SPAG16: variants seen among roughly 807,000 people sequenced by gnomAD.
SPAG16 encodes sperm associated antigen 16.
In SPAG16, 86 loss-of-function variants were observed where a neutral mutation model predicts 80.4. That is an observed-to-expected ratio of 1.07 (90% CI 0.90 to 1.28). The LOEUF is 1.28. Among genes scored for constraint, SPAG16 ranks in the 50% most tolerant of loss-of-function variants. The pLI is 0.00. For missense variants in SPAG16, 870 were observed against 765.3 expected (o/e 1.14, Z -1.61); for synonymous variants, 294 against 265.9 (o/e 1.11, Z -1.03).
At chr2:214,344,368 AC>A (rs1697923873) in intron 15 of SPAG16, among the ~76,000 whole-genome samples, 2 of 152,270 alleles carry the variant, frequency 1.3e-5, no homozygotes, top group Non-Finnish European at 2.9e-5. Context: ...AAATCAAAAG[AC>A]TTTTATTTGG....
At chr2:214,391,261 C>G (rs148463022) in intron 15 of SPAG16, among the ~76,000 whole-genome samples, 41 of 152,038 alleles carry the variant, frequency 2.7e-4, no homozygotes, top group African/African-American at 8.4e-4. Flanking sequence ...TGATTTTGAG[C>G]AGTAAATTGG....
chr2:214,148,665 A>G (rs1576351131), intron 14 of SPAG16, among the ~76,000 whole-genome samples: 1 of 6,540 alleles, frequency 1.5e-4, no homozygotes, highest in Non-Finnish European at 7.4e-3. Flanking sequence ...GGTATAAATT[A>G]TCAATGCTAA....
intron 13 of SPAG16, among the ~76,000 whole-genome samples, chr2:214,038,014 C>A (rs1481957980): frequency 1.3e-5 from 2 of 151,678 alleles, no homozygotes; most frequent in Non-Finnish European, 2.9e-5. Flanking sequence ...AAAATAATTT[C>A]CTTCTAATGG....
chr2:213,555,791 T>C (rs1005115214), intron 10 of SPAG16, among the ~76,000 whole-genome samples: 7 of 152,052 alleles, frequency 4.6e-5, no homozygotes, highest in Admixed American at 4.6e-4. Context: ...AAGTAAACAA[T>C]CAAATTCAGA....
chr2:214,176,472 G>C (rs1271696258), intron 15 of SPAG16, among the ~76,000 whole-genome samples: 2 of 151,154 alleles, frequency 1.3e-5, no homozygotes, highest in East Asian at 3.9e-4. Context: ...AGTTTTCCAA[G>C]TAGGCTACTA....
At chr2:213,292,299 G>A (rs1018791387) in intron 1 of SPAG16, among the ~76,000 whole-genome samples, 5 of 152,112 alleles carry the variant, frequency 3.3e-5, no homozygotes, top group African/African-American at 1.2e-4. Flanking sequence ...CTCTCAGAAG[G>A]GGTCATGCTT....
chr2:213,977,830 C>T (rs1371168468), intron 12 of SPAG16, among the ~76,000 whole-genome samples: 2 of 152,066 alleles, frequency 1.3e-5, no homozygotes, highest in East Asian at 1.9e-4. Flanking sequence ...AATCTGCATA[C>T]AACTTTGTAG....
At chr2:213,847,993 C>G (rs896248684) in intron 10 of SPAG16, among the ~76,000 whole-genome samples, 1 of 152,108 alleles carries the variant, frequency 6.6e-6, no homozygotes, top group Non-Finnish European at 1.5e-5. Context: ...TGAAATAAGG[C>G]AAGTAATTTG....
intron 9 of SPAG16, among the ~76,000 whole-genome samples, chr2:213,472,824 G>A (rs1343000530): frequency 6.6e-6 from 1 of 152,198 alleles, no homozygotes; most frequent in Admixed American, 6.5e-5. Flanking sequence ...TGTCAGCTCA[G>A]AGGCAGTGAC....
intron 10 of SPAG16, among the ~76,000 whole-genome samples, chr2:213,601,103 A>C (rs1413648938): frequency 1.3e-5 from 2 of 152,182 alleles, no homozygotes; most frequent in Non-Finnish European, 2.9e-5. Flanking sequence ...CCTGGGACAA[A>C]GTCTGTTGGG....
At chr2:214,003,069 A>G (rs1408891562) in intron 12 of SPAG16, among the ~76,000 whole-genome samples, 1 of 152,170 alleles carries the variant, frequency 6.6e-6, no homozygotes, top group Non-Finnish European at 1.5e-5. Flanking sequence ...CCTCACCATA[A>G]CACATTTCAG....
chr2:213,799,331 A>G (rs981095127), intron 10 of SPAG16, among the ~76,000 whole-genome samples: 23 of 152,062 alleles, frequency 1.5e-4, no homozygotes, highest in Admixed American at 1.5e-3. Flanking sequence ...TCTGGAATCT[A>G]TTGTGGATGG....
chr2:213,865,238 A>C (rs1432412452), intron 11 of SPAG16, among the ~76,000 whole-genome samples: 1 of 152,060 alleles, frequency 6.6e-6, no homozygotes, highest in African/African-American at 2.4e-5. Flanking sequence ...CCCAAAATCT[A>C]GCATAAATTC....
At chr2:213,787,436 G>A (rs1283895554) in intron 10 of SPAG16, among the ~76,000 whole-genome samples, 1 of 151,814 alleles carries the variant, frequency 6.6e-6, no homozygotes, top group Admixed American at 6.6e-5. Flanking sequence ...TCATGACTTG[G>A]GTTTAGATGT....
intron 9 of SPAG16, among the ~76,000 whole-genome samples, chr2:213,485,098 G>A (rs760994955): frequency 1.7e-4 from 26 of 151,158 alleles, no homozygotes; most frequent in Non-Finnish European, 3.4e-4. Context: ...GGGCTCAAGC[G>A]ATCCTCCTGC....
chr2:213,529,415 T>C (rs950059082), intron 10 of SPAG16, among the ~76,000 whole-genome samples: 8 of 152,190 alleles, frequency 5.3e-5, no homozygotes, highest in Non-Finnish European at 1.2e-4. Flanking sequence ...ATGGTGACTT[T>C]AGGGAGAAAG....
chr2:213,556,137 A>G (rs2125964514), intron 10 of SPAG16, among the ~76,000 whole-genome samples: 1 of 152,070 alleles, frequency 6.6e-6, no homozygotes, highest in South Asian at 2.1e-4. Flanking sequence ...TCACCAAATC[A>G]GTAAAGAAGA....
At chr2:214,207,919 C>A (rs996717938) in intron 15 of SPAG16, among the ~76,000 whole-genome samples, 1 of 152,212 alleles carries the variant, frequency 6.6e-6, no homozygotes, top group Non-Finnish European at 1.5e-5. Flanking sequence ...CTTGGACTTA[C>A]ACTAGTGGTT....
chr2:213,704,891 G>A (rs116814580), intron 10 of SPAG16, among the ~76,000 whole-genome samples: 537 of 152,266 alleles, frequency 3.5e-3, no homozygotes, highest in Middle Eastern at 6.8e-3. Flanking sequence ...TAAGGGAATG[G>A]TAGAATTTGT....
Sources: gnomAD v4.1 joint callset for allele counts (sites outside exome capture counted in the v4.1 genomes callset) on GRCh38, gnomAD v4.1.1 for gene constraint, MANE v1.5 for transcripts, NCBI Gene and HGNC (gene_info 2026-07-23, HGNC 2026-07-21) for gene names.